ABCA4: variants seen among roughly 807,000 people sequenced by gnomAD.
ABCA4 encodes retinal-specific phospholipid-transporting ATPase ABCA4.
Under a neutral mutation model 263.7 loss-of-function variants are expected in ABCA4, and 196 were observed. The ratio of observed to expected loss-of-function variants is 0.74; its 90% CI spans 0.66 to 0.84. The LOEUF (loss-of-function observed/expected upper bound fraction) is 0.84. Among genes scored for constraint, ABCA4 ranks in the 40% least tolerant of loss-of-function variants. The probability of loss-of-function intolerance (pLI) is 0.00; values close to 1 mark genes in which losing one functional copy is unlikely to be tolerated. For missense variants in ABCA4, 2,792 were observed against 2,855.1 expected (o/e 0.98, Z 0.50); for synonymous variants, 1,133 against 1,094.2 (o/e 1.04, Z -0.70).
Position 94,098,938 on chromosome 1 carries a change from G to C in ABCA4, c.624C>G (p.Ala208=), listed in dbSNP as rs1177084909. The C allele has an allele frequency of 6.2e-7, 1 of 1,613,112 alleles. No homozygotes were observed. Among genetic ancestry groups the C allele is most frequent in the East Asian group, 2.2e-5 (1 of 44,866 alleles). ...LALKDIACSE[A]LLERFIIFSQ... ...TGAAGATGATGAAGCGCTCCAGGAG[G>C]GCCTCGCTGCAGGCGATGTCCTTCA... The change falls in exon 6 of 50, where the codon GCC becomes GCG. Residue 208 remains alanine (A), a synonymous_variant. Transcript: ENST00000370225.
chr1:94,090,959 G>T (rs1457947353), intron 6 of ABCA4, among the ~76,000 whole-genome samples: 1 of 152,122 alleles, frequency 6.6e-6, no homozygotes, highest in African/African-American at 2.4e-5. Flanking sequence ...GCTGAGGTTT[G>T]TAAAGAGACA....
chr1:94,051,583 G>A (rs1471988976), intron 17 of ABCA4, 50 bp downstream of exon 17: 1 of 1,495,092 alleles, frequency 6.7e-7, no homozygotes, highest in African/African-American at 1.4e-5. Flanking sequence ...CTTGCACAGA[G>A]CCCAAGGAGT....
intron 47 of ABCA4, among the ~76,000 whole-genome samples, chr1:93,998,713 A>T (rs866115945): frequency 1.1e-3 from 147 of 133,696 alleles, no homozygotes; most frequent in African/African-American, 3.4e-3. Context: ...ATTTTATTTT[A>T]TTTATTTTAT....
intron 19 of ABCA4, among the ~76,000 whole-genome samples, chr1:94,046,469 A>AAAAAC (rs1557780354): frequency 6.7e-6 from 1 of 148,240 alleles, no homozygotes; most frequent in East Asian, 2.0e-4. Flanking sequence ...AAAAAAAAAA[A>AAAAAC]AAAAAAAGAA....
chr1:94,011,055 A>T, intron 39 of ABCA4, 126 bp from the exon 40 acceptor site: 1 of 1,569,414 alleles, frequency 6.4e-7, no homozygotes, highest in Non-Finnish European at 8.7e-7. Context: ...CACCCGCCTC[A>T]TAAGGGCTGC....
At chr1:94,060,399 G>T in intron 14 of ABCA4, 138 bp downstream of exon 14, 1 of 802,028 alleles carries the variant, frequency 1.2e-6, no homozygotes, top group Non-Finnish European at 2.1e-6. Context: ...CTCCCACGTT[G>T]GCTAAAAGGA....
chr1:94,043,042 T>G, intron 21 of ABCA4, 144 bp from the exon 22 acceptor site: 1 of 1,274,350 alleles, frequency 7.8e-7, no homozygotes, highest in Non-Finnish European at 1.1e-6. Flanking sequence ...TTCAAAGCCC[T>G]AATACTGTTC....
chr1:94,115,074 C>T (rs1424108226), intron 1 of ABCA4, among the ~76,000 whole-genome samples: 3 of 152,192 alleles, frequency 2.0e-5, no homozygotes, highest in Non-Finnish European at 2.9e-5. Context: ...AACAGCCTCC[C>T]CCAGGGTCAT....
rs149652151 is a variant in ABCA4, at chr1:94,028,943, A to T, written c.4539+502T>A. ...AAAAAAAAAAAAAGAAATTCAAACA[A>T]TGGGATAATATACAGATATTAAAAG... On this transcript the variant is annotated intron_variant, in intron 30 of 49. Transcript: ENST00000370225. Among the ~76,000 whole-genome samples the T allele has an allele frequency of 3.9e-3, 597 of 151,178 alleles. 18 individuals are homozygous for T. The highest frequency in any genetic ancestry group is 0.037 in the Admixed American group (552 of 14,904).
At chr1:94,043,904 A>G (rs2101052161) in intron 20 of ABCA4, among the ~76,000 whole-genome samples, 1 of 152,336 alleles carries the variant, frequency 6.6e-6, no homozygotes, top group East Asian at 1.9e-4. Flanking sequence ...TACCAATGTT[A>G]TAACTCAGCG....
intron 14 of ABCA4, among the ~76,000 whole-genome samples, chr1:94,060,293 A>G (rs952977329): frequency 7.2e-5 from 11 of 152,218 alleles, no homozygotes; most frequent in Admixed American, 6.5e-4. Context: ...GGGACTGGGA[A>G]GTCTGTGTGG....
At chr1:94,105,566 G>C (rs1243991262) in intron 4 of ABCA4, among the ~76,000 whole-genome samples, 5 of 138,098 alleles carry the variant, frequency 3.6e-5, no homozygotes, top group African/African-American at 1.3e-4. Context: ...AATAAATTTC[G>C]TTTAAAATGT....
chr1:94,049,564 C>T (rs1303637186), intron 17 of ABCA4, among the ~76,000 whole-genome samples: 1 of 152,140 alleles, frequency 6.6e-6, no homozygotes, highest in Admixed American at 6.5e-5. Context: ...GCGGAGGTTG[C>T]AGTGAGCCGA....
chr1:94,079,103 T>C (rs549249258), intron 9 of ABCA4, among the ~76,000 whole-genome samples: 9 of 152,114 alleles, frequency 5.9e-5, no homozygotes, highest in Non-Finnish European at 8.8e-5. Flanking sequence ...GAAAACCTCA[T>C]TGTAGGCTGC....
At position 94,036,774 on chromosome 1, in the gene ABCA4, G is replaced by A. The variant is rs1427462321; in HGVS notation, c.3828C>T (p.Val1276=). The A allele has an allele frequency of 6.2e-7, 1 of 1,614,100 alleles. No individual in the cohort carries two copies. The change falls in exon 26 of 50, where the codon GTC becomes GTT. Residue 1276 remains valine (V), a synonymous_variant. Transcript: ENST00000370225. ...DTPLEEIFLK[V]TEDSDSGPLF... ...GAGGTCCTGAATCAGAATCCTCCGT[G>A]ACCTTCAGAAAAATCTGTCAAGAAG...
At chr1:94,003,726 T>C (rs6541408) in intron 44 of ABCA4, among the ~76,000 whole-genome samples, 14,981 of 152,166 alleles carry the variant, frequency 0.098, 1,602 homozygotes, top group African/African-American at 0.27. Context: ...CTCAACCTCC[T>C]GGGCTCAAGC....
intron 1 of ABCA4, among the ~76,000 whole-genome samples, chr1:94,118,543 T>A (rs776502369): frequency 2.6e-5 from 4 of 152,170 alleles, no homozygotes; most frequent in Admixed American, 6.5e-5. Context: ...AGCTACTGAA[T>A]CTGTTGGGGG....
At chr1:94,090,510 CAGAGTCA>C (rs1661941695) in intron 6 of ABCA4, among the ~76,000 whole-genome samples, 1 of 152,114 alleles carries the variant, frequency 6.6e-6, no homozygotes, top group Admixed American at 6.5e-5. Context: ...CCCTACTGGC[CAGAGTCA>C]ACTCATTTCA....
chr1:94,000,899 C>T lies in ABCA4; in HGVS notation c.6416G>A (p.Arg2139Gln), dbSNP rs761867791. The T allele has an allele frequency of 8.1e-5, 130 of 1,614,074 alleles. 1 individual carries two copies. The South Asian group carries it at 9.0e-4, about 11-fold the overall frequency. The change falls in exon 47 of 50, where the codon CGG becomes CAG. Residue 2139 changes from arginine (R) to glutamine (Q), a missense_variant. Coordinates refer to ENST00000370225, the MANE Select transcript of ABCA4 (RefSeq NM_000350.3). ...GGCGCCCTTTACCATGATGGCCAGC[C>T]GGGTACACAGTGCCTCACATTCTTC... Reference protein sequence around the residue: ...SMEECEALCTRLAIMVKGAFR... With the variant: ...SMEECEALCTQLAIMVKGAFR...
Sources: allele counts gnomAD v4.1 joint callset (sites outside exome capture counted in the v4.1 genomes callset), GRCh38; gene constraint gnomAD v4.1.1; transcripts MANE v1.5; gene names NCBI Gene and HGNC (gene_info 2026-07-23, HGNC 2026-07-21).